The following TOR1AIP1 variants were observed in gnomAD, a reference collection of about 807,000 sequenced individuals.
The protein encoded by TOR1AIP1 is torsin 1A interacting protein 1.
In TOR1AIP1, 54 loss-of-function variants were observed where a neutral mutation model predicts 63.3. The observed-to-expected ratio is 0.85, with a 90% CI of 0.69 to 1.07. TOR1AIP1 has a LOEUF of 1.07. TOR1AIP1 is among the 50% of genes least tolerant of loss of function. TOR1AIP1 has a pLI of 0.00. For missense variants in TOR1AIP1, 736 were observed against 715.0 expected (o/e 1.03, Z -0.33); for synonymous variants, 294 against 273.5 (o/e 1.07, Z -0.74).
At chr1:179,909,499 C>T (rs1461143710) in intron 8 of TOR1AIP1, among the ~76,000 whole-genome samples, 1 of 152,034 alleles carries the variant, frequency 6.6e-6, no homozygotes, top group African/African-American at 2.4e-5. Context: ...CAACCTCTGC[C>T]TCCCGGGTTC....
intron 1 of TOR1AIP1, 129 bp downstream of exon 1, chr1:179,883,106 C>T (rs1446003128): frequency 2.1e-5 from 18 of 857,416 alleles, no homozygotes; most frequent in Non-Finnish European, 7.2e-6. Flanking sequence ...ATTCCTCAGC[C>T]CCCTCTGGAC....
chr1:179,895,762 T>C (rs906556553), intron 3 of TOR1AIP1, among the ~76,000 whole-genome samples: 9 of 152,054 alleles, frequency 5.9e-5, no homozygotes, highest in Middle Eastern at 3.2e-3. Flanking sequence ...TAGCCGGGCA[T>C]GGTGGCACAA....
In TOR1AIP1 at chr1:179,903,976, C is replaced by G. The variant is rs143942563; in HGVS notation, c.750C>G (p.Thr250=). 5.0e-6 allele frequency: 8 copies of G among 1,600,240 alleles called. No individual in the cohort carries two copies. Among genetic ancestry groups the G allele is most frequent in the Non-Finnish European group, 6.8e-6 (8 of 1,170,504 alleles). ...RDSDESGDKT[T]RSSSQYIESF... is the part of the protein sequence containing the mutation. ...TTTTTTATTTTTTAGATAAAACCAC[C>G]AGATCATCTAGTCAATATATAGAAT... Residue 250 remains threonine (T), a synonymous_variant, in exon 6 of 10, where the codon ACC becomes ACG. Transcript: ENST00000606911.
chr1:179,909,663 C>T (rs1161167815), intron 8 of TOR1AIP1, among the ~76,000 whole-genome samples: 4 of 152,086 alleles, frequency 2.6e-5, no homozygotes, highest in African/African-American at 9.7e-5. Context: ...GTCTTGAACT[C>T]CTGACCTCAT....
chr1:179,890,554 C>A (rs897714431), intron 3 of TOR1AIP1, among the ~76,000 whole-genome samples: 1 of 152,120 alleles, frequency 6.6e-6, no homozygotes, highest in Non-Finnish European at 1.5e-5. Context: ...ATTCGACATA[C>A]AAAACAAATA....
intron 6 of TOR1AIP1, among the ~76,000 whole-genome samples, chr1:179,906,186 G>A (rs186485618): frequency 2.0e-5 from 3 of 152,030 alleles, no homozygotes; most frequent in Non-Finnish European, 2.9e-5. Context: ...ATATTAAAAC[G>A]TATGTATCCA....
Position 179,918,142 on chromosome 1 carries a change from T to G in TOR1AIP1, c.1655T>G (p.Met552Arg). The G allele has an allele frequency of 6.2e-7, 1 of 1,613,772 alleles. No homozygotes were observed. The highest frequency in any genetic ancestry group is 2.2e-5 in the East Asian group (1 of 44,888). ...AACACACCCAACTCCTACAATCATA[T>G]GGACCCAGACAAACTGAATGGCCTC... ...NSNTPNSYNHMDPDKLNGLWS... is the reference protein window; with the variant it reads ...NSNTPNSYNHRDPDKLNGLWS... The change falls in exon 10 of 10, where the codon ATG becomes AGG. Residue 552 changes from methionine to arginine, a missense_variant. By Grantham distance (91) the Met-to-Arg change is moderately conservative. This residue lies in a region of TOR1AIP1 where 272 missense variants were observed against 344.1 expected (regional missense o/e 0.79). Coordinates refer to ENST00000606911, the MANE Select transcript of TOR1AIP1 (RefSeq NM_015602.4).
intron 3 of TOR1AIP1, among the ~76,000 whole-genome samples, chr1:179,895,614 AAG>A (rs1404171146): frequency 1.3e-5 from 2 of 151,996 alleles, no homozygotes; most frequent in African/African-American, 4.8e-5. Context: ...TCTCAGAAAA[AAG>A]AGGCCGGGCA....
chr1:179,917,495 CCG>C lies in TOR1AIP1; in HGVS notation c.1009_1010del (p.Arg337ValfsTer19). 6.2e-7 allele frequency: 1 copy of C among 1,613,536 alleles called. No homozygotes were observed. Among genetic ancestry groups the C allele is most frequent in the Non-Finnish European group, 8.5e-7 (1 of 1,179,968 alleles). ...PQNASFVKRN[R>X]WWLLPLIAAL... ...AAAATGCATCTTTTGTCAAGAGGAA[CCG>C]GTGGTGGCTACTTCCTCTGATAGCT... On this transcript the variant is annotated frameshift_variant, in exon 10 of 10. Coordinates refer to ENST00000606911, the MANE Select transcript of TOR1AIP1 (RefSeq NM_015602.4). LOFTEE classifies it high-confidence loss of function.
At chr1:179,916,570 A>C (rs1255264817) in intron 9 of TOR1AIP1, among the ~76,000 whole-genome samples, 2 of 152,220 alleles carry the variant, frequency 1.3e-5, no homozygotes, top group African/African-American at 4.8e-5. Flanking sequence ...AATAGTAACT[A>C]GGGATGAGTC....
In TOR1AIP1 at chr1:179,917,615, G is replaced by A; in HGVS notation, c.1128G>A (p.Lys376=). The change falls in exon 10 of 10, where the codon AAG becomes AAA. Residue 376 remains lysine (K), a synonymous_variant. Transcript: ENST00000606911. ...QEFQNQMNQL[K]NKYQGQDEKL... is the part of the protein sequence containing the mutation. ...TCCAGAACCAGATGAATCAACTTAA[G>A]AATAAGTACCAAGGTCAAGATGAGA... 6.2e-7 allele frequency: 1 copy of A among 1,614,098 alleles called. No individual in the cohort carries two copies. Among genetic ancestry groups the A allele is most frequent in the Non-Finnish European group, 8.5e-7 (1 of 1,180,020 alleles).
intron 5 of TOR1AIP1, 99 bp from the exon 6 acceptor site, chr1:179,903,867 A>G: frequency 1.2e-6 from 1 of 804,420 alleles, no homozygotes; most frequent in East Asian, 2.9e-5. Flanking sequence ...AGTTACCCGA[A>G]TATTTTTGCT....
chr1:179,916,876 G>C (rs753880639), intron 9 of TOR1AIP1, among the ~76,000 whole-genome samples: 1 of 151,550 alleles, frequency 6.6e-6, no homozygotes, highest in Non-Finnish European at 1.5e-5. Flanking sequence ...CTAGTTTTTT[G>C]TATTTTCAGT....
At chr1:179,906,958 C>T (rs545776782) in intron 6 of TOR1AIP1, among the ~76,000 whole-genome samples, 149 of 151,648 alleles carry the variant, frequency 9.8e-4, no homozygotes, top group African/African-American at 3.3e-3. Context: ...AGGATGGTCT[C>T]GATCTCCTGA....
Position 179,882,480 on chromosome 1 carries a change from C to T in TOR1AIP1, c.-23C>T. ...GGGTCCATAAAGCCATCTTCGCGAT[C>T]GACTAAAGCTACGTCAACAACTATG... On this transcript the variant is annotated 5_prime_UTR_variant, in exon 1 of 10. Coordinates refer to ENST00000606911, the MANE Select transcript of TOR1AIP1 (RefSeq NM_015602.4). 1.4e-6 allele frequency: 2 copies of T among 1,426,064 alleles called. No individual in the cohort carries two copies. The highest frequency in any genetic ancestry group is 1.5e-5 in the African/African-American group (1 of 68,832). 88.3% of individuals were successfully genotyped at this position (1,426,064 alleles called of 1,614,324 possible).
intron 8 of TOR1AIP1, 71 bp from the exon 9 acceptor site, chr1:179,913,927 G>C: frequency 7.2e-7 from 1 of 1,381,798 alleles, no homozygotes; most frequent in South Asian, 1.3e-5. Flanking sequence ...TATCTTCTTT[G>C]TCTACTAGAA....
Position 179,918,546 on chromosome 1 carries a change from G to C in TOR1AIP1, c.*307G>C, listed in dbSNP as rs530854. On this transcript the variant is annotated 3_prime_UTR_variant, in exon 10 of 10. Coordinates refer to ENST00000606911, the MANE Select transcript of TOR1AIP1 (RefSeq NM_015602.4). ...ACAGTTATGGTATGACCAGTGAGAG[G>C]GATTTGTGTCCTTTCTTATGAACCT... 128,516 of 225,948 alleles carry C rather than the reference G, an allele frequency of 0.57. 38,906 individuals are homozygous for C. The highest frequency in any genetic ancestry group is 0.76 in the East Asian group (7,679 of 10,138). 14.0% of individuals were successfully genotyped at this position (225,948 alleles called of 1,614,324 possible).
intron 3 of TOR1AIP1, among the ~76,000 whole-genome samples, chr1:179,890,155 A>G (rs1648024129): frequency 6.6e-6 from 1 of 152,228 alleles, no homozygotes. Context: ...TGTGGCACAG[A>G]ACGACAAAAT....
At chr1:179,892,567 C>G (rs1380634740) in intron 3 of TOR1AIP1, among the ~76,000 whole-genome samples, 2 of 151,918 alleles carry the variant, frequency 1.3e-5, no homozygotes, top group African/African-American at 4.8e-5. Context: ...GAAACCCCGT[C>G]TCTACTAAAA....
Sources: gnomAD v4.1 joint callset for allele counts (sites outside exome capture counted in the v4.1 genomes callset) on GRCh38, gnomAD v4.1.1 for gene constraint, gnomAD v4.1.1 regional missense constraint, MANE v1.5 for transcripts, NCBI Gene and HGNC (gene_info 2026-07-23, HGNC 2026-07-21) for gene names.